Variants in UBR1 observed in about 807,000 individuals in gnomAD.
The protein encoded by UBR1 is E3 ubiquitin-protein ligase UBR1.
A neutral mutation model predicts 242.1 loss-of-function variants in UBR1; 102 were observed. That is an observed-to-expected ratio of 0.42 (90% CI 0.36 to 0.50). UBR1 has a LOEUF of 0.50. Among genes scored for constraint, UBR1 ranks in the 20% least tolerant of loss-of-function variants. The pLI is 0.01. For missense variants in UBR1, 1,772 were observed against 2,101.8 expected (o/e 0.84, Z 3.07); for synonymous variants, 675 against 684.8 (o/e 0.99, Z 0.22).
rs541304184 is a variant in UBR1, at chr15:42,947,674, T to C, written c.5109-2204A>G. 4.8e-4 allele frequency among the ~76,000 whole-genome samples: 73 copies of C among 152,170 alleles called. No individual in the cohort carries two copies. The South Asian group carries it at 0.012, about 24-fold the overall frequency. On this transcript the variant is annotated intron_variant, in intron 46 of 46. Coordinates refer to ENST00000290650, the MANE Select transcript of UBR1 (RefSeq NM_174916.3). The stretch of plus-strand genomic sequence containing the variant: ...CAGAGAGCCAAATCATGAGTGAACT[T>C]CCATTCACAATTGCTTCAAAGAGAA...
chr15:42,970,552 A>G lies in UBR1; in HGVS notation c.4425T>C (p.Ser1475=), dbSNP rs759282266. The change falls in exon 40 of 47, where the codon TCT becomes TCC. Residue 1475 remains serine, a synonymous_variant. Coordinates refer to ENST00000290650, the MANE Select transcript of UBR1 (RefSeq NM_174916.3). The stretch of plus-strand genomic sequence containing the variant: ...TATATTGAGAAATTTCTGCAAAGAA[A>G]GAAGATGCGGAATGAGCCTCTTCAC... ...EDSEEAHSAS[S]FFAEISQYTS... is the part of the protein sequence containing the mutation. 3.1e-6 allele frequency: 5 copies of G among 1,613,870 alleles called. No individual in the cohort carries two copies. The highest frequency in any genetic ancestry group is 8.5e-7 in the Non-Finnish European group (1 of 1,180,016).
intron 36 of UBR1, among the ~76,000 whole-genome samples, chr15:42,984,275 T>C (rs913398974): frequency 6.6e-6 from 1 of 152,240 alleles, no homozygotes; most frequent in African/African-American, 2.4e-5. Flanking sequence ...CTGAGCACAC[T>C]GTGTACCACA....
At chr15:42,999,599 G>A (rs1031712016) in intron 32 of UBR1, among the ~76,000 whole-genome samples, 12 of 152,296 alleles carry the variant, frequency 7.9e-5, no homozygotes, top group Non-Finnish European at 1.0e-4. Context: ...AGGCTGAGGT[G>A]AGTGGGTCGC....
At chr15:43,055,397 C>T (rs557164114) in intron 11 of UBR1, among the ~76,000 whole-genome samples, 54 of 151,886 alleles carry the variant, frequency 3.6e-4, no homozygotes, top group Middle Eastern at 3.4e-3. Flanking sequence ...GAGCCGAGAT[C>T]GTGCTACTAC....
In UBR1 at chr15:42,959,588, G is replaced by A. The variant is rs75898673; in HGVS notation, c.4757+1057C>T. Among the ~76,000 whole-genome samples, 91 of 152,272 alleles carry A rather than the reference G, an allele frequency of 6.0e-4. 1 individual carries two copies. The East Asian group carries it at 0.017, about 29-fold the overall frequency. On this transcript the variant is annotated intron_variant, in intron 43 of 46. Coordinates refer to ENST00000290650, the MANE Select transcript of UBR1 (RefSeq NM_174916.3). ...ATTTTCCAGAGTATTTCAGTACCAT[G>A]CTGGGTAAATAGCAGATGTATAAAA...
At chr15:43,060,170 G>T in intron 6 of UBR1, 56 bp from the exon 7 acceptor site, 1 of 1,517,188 alleles carries the variant, frequency 6.6e-7, no homozygotes, top group Non-Finnish European at 9.2e-7. Flanking sequence ...CAATCAATAA[G>T]CAATATGTAG....
chr15:43,094,933 T>C (rs1310143728), intron 1 of UBR1, among the ~76,000 whole-genome samples: 1 of 152,200 alleles, frequency 6.6e-6, no homozygotes, highest in Non-Finnish European at 1.5e-5. Context: ...TTTGAAAACA[T>C]TTTGTCCCTC....
chr15:43,038,705 C>T (rs976822915), intron 15 of UBR1, among the ~76,000 whole-genome samples: 5 of 152,096 alleles, frequency 3.3e-5, no homozygotes, highest in South Asian at 2.1e-4. Flanking sequence ...ATATTACTAA[C>T]GTATTTAAAA....
At chr15:43,012,119 C>T (rs780710810) in intron 29 of UBR1, among the ~76,000 whole-genome samples, 88 of 151,492 alleles carry the variant, frequency 5.8e-4, no homozygotes, top group Non-Finnish European at 1.1e-3. Flanking sequence ...CCCAGTTACT[C>T]GGGAGGCTGA....
chr15:43,049,644 T>C (rs1416257769), intron 12 of UBR1, among the ~76,000 whole-genome samples: 1 of 152,178 alleles, frequency 6.6e-6, no homozygotes, highest in African/African-American at 2.4e-5. Context: ...TGTGGTTTAA[T>C]TTTTCTCACT....
At chr15:42,977,806 G>A (rs1034146784) in intron 38 of UBR1, 74 bp downstream of exon 38, 3 of 1,265,602 alleles carry the variant, frequency 2.4e-6, no homozygotes, top group Non-Finnish European at 3.5e-6. Context: ...TTGAACAAAG[G>A]GCATGAATTT....
rs368690865 is a variant in UBR1, at chr15:42,962,783, C to T, written c.4700+1152G>A. On this transcript the variant is annotated intron_variant, in intron 42 of 46. Coordinates refer to ENST00000290650, the MANE Select transcript of UBR1 (RefSeq NM_174916.3). ...GGGATTACATGCATGAGCCACCACG[C>T]CTGGCCAACACTGGGGCTTCCCTTT... Among the ~76,000 whole-genome samples, 10 of 152,318 alleles carry T rather than the reference C, an allele frequency of 6.6e-5. No homozygotes were observed. In the East Asian group the frequency reaches 1.3e-3, roughly 21 times the overall value.
intron 3 of UBR1, among the ~76,000 whole-genome samples, chr15:43,076,935 A>G (rs2033910975): frequency 2.4e-5 from 2 of 82,840 alleles, no homozygotes; most frequent in Non-Finnish European, 5.1e-5. Flanking sequence ...CAGCCGCCCT[A>G]TCCAGGAGGT....
At chr15:43,060,222 G>T in intron 6 of UBR1, 108 bp from the exon 7 acceptor site, 2 of 1,047,646 alleles carry the variant, frequency 1.9e-6, no homozygotes, top group Non-Finnish European at 3.0e-6. Context: ...CTAATCGCGT[G>T]TTGACTAAAA....
At chr15:43,032,076 G>C (rs1269303166) in intron 20 of UBR1, among the ~76,000 whole-genome samples, 1 of 151,536 alleles carries the variant, frequency 6.6e-6, no homozygotes, top group African/African-American at 2.4e-5. Flanking sequence ...TGATGGCAAT[G>C]AATGTACCAG....
At chr15:43,045,365 G>C (rs1156442430) in intron 14 of UBR1, among the ~76,000 whole-genome samples, 2 of 152,162 alleles carry the variant, frequency 1.3e-5, no homozygotes, top group Non-Finnish European at 2.9e-5. Flanking sequence ...GACTTTGGAG[G>C]CTAAGGTGGG....
At chr15:43,050,225 C>T (rs1039162178) in intron 12 of UBR1, among the ~76,000 whole-genome samples, 8 of 152,008 alleles carry the variant, frequency 5.3e-5, no homozygotes, top group East Asian at 1.9e-4. Flanking sequence ...CATGAGCCAA[C>T]GCAATCAGCC....
At chr15:43,042,660 T>C (rs2033435181) in intron 15 of UBR1, among the ~76,000 whole-genome samples, 1 of 152,172 alleles carries the variant, frequency 6.6e-6, no homozygotes, top group African/African-American at 2.4e-5. Context: ...AATGTGAATA[T>C]ACTTAGTGCC....
chr15:43,025,891 C>T (rs538222108), intron 23 of UBR1: 48 of 157,022 alleles, frequency 3.1e-4, no homozygotes, highest in Non-Finnish European at 6.3e-4. Flanking sequence ...ATAGAAATGC[C>T]GATGTTACAA....
Sources: allele counts gnomAD v4.1 joint callset (sites outside exome capture counted in the v4.1 genomes callset), GRCh38; gene constraint gnomAD v4.1.1; transcripts MANE v1.5; gene names NCBI Gene and HGNC (gene_info 2026-07-23, HGNC 2026-07-21).